BLK: variants seen among roughly 807,000 people sequenced by gnomAD.
BLK encodes tyrosine-protein kinase Blk.
In BLK, 64 loss-of-function variants were observed where a neutral mutation model predicts 61.8. That is an observed-to-expected ratio of 1.03 (90% CI 0.85 to 1.27). The LOEUF is 1.27. Among genes scored for constraint, BLK ranks in the 50% most tolerant of loss-of-function variants. The probability of loss-of-function intolerance (pLI) is 0.00; values close to 1 mark genes in which losing one functional copy is unlikely to be tolerated. For missense variants in BLK, 853 were observed against 660.5 expected, an observed-to-expected ratio of 1.29 and a Z score of -3.19; for synonymous variants, 351 against 272.0, an observed-to-expected ratio of 1.29 and a Z score of -2.86.
intron 6 of BLK, among the ~76,000 whole-genome samples, chr8:11,551,372 C>T (rs1432656100): frequency 6.6e-6 from 1 of 152,194 alleles, no homozygotes; most frequent in African/African-American, 2.4e-5. Flanking sequence ...CCTCACGTGG[C>T]CGTCCCTCCA....
At chr8:11,558,169 C>G in intron 10 of BLK, 131 bp downstream of exon 10, 3 of 863,554 alleles carry the variant, frequency 3.5e-6, no homozygotes, top group Non-Finnish European at 5.7e-6. Context: ...CCACCTTCCT[C>G]TAGGCAGATA....
intron 2 of BLK, among the ~76,000 whole-genome samples, chr8:11,544,061 C>G (rs1024684406): frequency 6.6e-6 from 1 of 151,666 alleles, no homozygotes; most frequent in African/African-American, 2.4e-5. Flanking sequence ...CTCCTGGATT[C>G]AAGTGATTCT....
intron 2 of BLK, chr8:11,545,805 C>G: frequency 1.8e-6 from 1 of 562,350 alleles, no homozygotes; most frequent in Non-Finnish European, 3.2e-6. Flanking sequence ...CCACAGCTGT[C>G]TCATATCCAC....
At chr8:11,556,533 G>GCATGTT in intron 8 of BLK, 125 bp from the exon 9 acceptor site, 1 of 1,172,064 alleles carries the variant, frequency 8.5e-7, no homozygotes, top group South Asian at 1.3e-5. Context: ...CTCCGGAACT[G>GCATGTT]CATGTTCCAG....
chr8:11,525,243 AG>A (rs2117350735), intron 1 of BLK, among the ~76,000 whole-genome samples: 1 of 152,320 alleles, frequency 6.6e-6, no homozygotes, highest in African/African-American at 2.4e-5. Context: ...CATTTTGAAA[AG>A]GTATTTAGAC....
At chr8:11,517,306 G>C (rs1799267596) in intron 1 of BLK, among the ~76,000 whole-genome samples, 1 of 152,248 alleles carries the variant, frequency 6.6e-6, no homozygotes, top group South Asian at 2.1e-4. Context: ...ACGAGAGAAA[G>C]AGCATGAGGA....
At chr8:11,501,748 G>A (rs1798569204) in intron 1 of BLK, among the ~76,000 whole-genome samples, 1 of 152,242 alleles carries the variant, frequency 6.6e-6, no homozygotes, top group South Asian at 2.1e-4. Context: ...ATGAGCAAGT[G>A]TGGTGTTGGC....
At chr8:11,562,752 T>C (rs1801547974) in intron 11 of BLK, among the ~76,000 whole-genome samples, 1 of 152,206 alleles carries the variant, frequency 6.6e-6, no homozygotes, top group South Asian at 2.1e-4. Flanking sequence ...CTGTGTGGTA[T>C]TGGTGTCCAT....
chr8:11,516,735 C>T (rs535606501), intron 1 of BLK, among the ~76,000 whole-genome samples: 2 of 152,198 alleles, frequency 1.3e-5, no homozygotes, highest in African/African-American at 2.4e-5. Flanking sequence ...CTTCAAGGCT[C>T]ACCCATGTTG....
chr8:11,533,193 T>C (rs1180471025), intron 1 of BLK, among the ~76,000 whole-genome samples: 1 of 152,218 alleles, frequency 6.6e-6, no homozygotes, highest in East Asian at 1.9e-4. Context: ...CTAGATCCAC[T>C]CAGTAATTAC....
chr8:11,536,917 T>G (rs892808334), intron 1 of BLK, among the ~76,000 whole-genome samples: 1 of 152,208 alleles, frequency 6.6e-6, no homozygotes, highest in African/African-American at 2.4e-5. Context: ...GGTGCATGCC[T>G]TTCCTCCTTA....
At chr8:11,517,143 G>A (rs1485994750) in intron 1 of BLK, among the ~76,000 whole-genome samples, 4 of 152,176 alleles carry the variant, frequency 2.6e-5, no homozygotes, top group African/African-American at 4.8e-5. Flanking sequence ...GGGAAGAGGA[G>A]AGCAGGGAGG....
At chr8:11,531,707 A>G (rs569431359) in intron 1 of BLK, among the ~76,000 whole-genome samples, 1 of 152,044 alleles carries the variant, frequency 6.6e-6, no homozygotes, top group South Asian at 2.1e-4. Flanking sequence ...CTGCGTGCTA[A>G]TTTCTCCCCA....
At chr8:11,545,974 G>A (rs964607017) in intron 2 of BLK, 78 bp from the exon 3 acceptor site, 13 of 1,489,452 alleles carry the variant, frequency 8.7e-6, no homozygotes, top group Middle Eastern at 3.6e-4. Flanking sequence ...CTGGCTGCCC[G>A]GCTCAGCAGT....
chr8:11,531,359 C>T (rs1291996694), intron 1 of BLK, among the ~76,000 whole-genome samples: 1 of 151,906 alleles, frequency 6.6e-6, no homozygotes, highest in Non-Finnish European at 1.5e-5. Flanking sequence ...ATCTTCTATT[C>T]TAAGGGAATA....
chr8:11,532,768 T>C (rs1799942232), intron 1 of BLK, among the ~76,000 whole-genome samples: 1 of 152,270 alleles, frequency 6.6e-6, no homozygotes, highest in Non-Finnish European at 1.5e-5. Flanking sequence ...TTTGCATGCC[T>C]GGCAATTGTT....
At chr8:11,555,900 A>G (rs560646470) in intron 8 of BLK, 6 of 332,696 alleles carry the variant, frequency 1.8e-5, no homozygotes, top group Non-Finnish European at 3.5e-5. Context: ...GACTTTGGCC[A>G]AGTCACTGAA....
chr8:11,518,588 C>T (rs967207109), intron 1 of BLK, among the ~76,000 whole-genome samples: 8 of 152,118 alleles, frequency 5.3e-5, no homozygotes, highest in African/African-American at 1.7e-4. Context: ...GGCCACCTCT[C>T]ACCGATCTCC....
intron 1 of BLK, among the ~76,000 whole-genome samples, chr8:11,516,128 C>T (rs575201042): frequency 1.3e-5 from 2 of 152,294 alleles, no homozygotes; most frequent in South Asian, 2.1e-4. Context: ...GGATGAACCA[C>T]GAAGACATGA....
Sources: allele counts gnomAD v4.1 joint callset (sites outside exome capture counted in the v4.1 genomes callset), GRCh38; gene constraint gnomAD v4.1.1; transcripts MANE v1.5; gene names NCBI Gene and HGNC (gene_info 2026-07-23, HGNC 2026-07-21).